Variants in TSHZ2 observed in about 807,000 individuals in gnomAD.
The protein encoded by TSHZ2 is teashirt zinc finger homeobox 2.
A neutral mutation model predicts 74.4 loss-of-function variants in TSHZ2; 21 were observed. That is an observed-to-expected ratio of 0.28 (90% CI 0.20 to 0.41). The LOEUF is 0.41. Among genes scored for constraint, TSHZ2 ranks in the 10% least tolerant of loss-of-function variants. The pLI, the probability that TSHZ2 is intolerant of heterozygous loss-of-function variation, is 1.00. For missense variants in TSHZ2, 1,244 were observed against 1,293.5 expected, an observed-to-expected ratio of 0.96 and a Z score of 0.59; for synonymous variants, 540 against 515.3, an observed-to-expected ratio of 1.05 and a Z score of -0.65.
intron 1 of TSHZ2, among the ~76,000 whole-genome samples, chr20:53,136,321 A>G (rs1490977916): frequency 1.3e-5 from 2 of 152,230 alleles, no homozygotes; most frequent in African/African-American, 4.8e-5. Context: ...GCAAGTAGAG[A>G]GCGTATATTG....
At chr20:53,233,156 C>T (rs1471061831) in intron 1 of TSHZ2, among the ~76,000 whole-genome samples, 2 of 152,186 alleles carry the variant, frequency 1.3e-5, no homozygotes, top group African/African-American at 4.8e-5. Flanking sequence ...CACCCTAATT[C>T]CCAAGATGTT....
intron 1 of TSHZ2, among the ~76,000 whole-genome samples, chr20:53,092,415 G>C (rs768154447): frequency 6.6e-6 from 1 of 152,096 alleles, no homozygotes; most frequent in Non-Finnish European, 1.5e-5. Context: ...CATATTACCC[G>C]TTGACTGTGT....
At chr20:53,348,552 C>CA (rs1568879775) in intron 2 of TSHZ2, among the ~76,000 whole-genome samples, 1 of 18,518 alleles carries the variant, frequency 5.4e-5, no homozygotes, top group African/African-American at 3.5e-4. Flanking sequence ...AAAAAATAGA[C>CA]CCCCCCAAAA....
intron 1 of TSHZ2, among the ~76,000 whole-genome samples, chr20:53,113,821 T>C (rs1430047508): frequency 6.6e-6 from 1 of 152,186 alleles, no homozygotes; most frequent in Non-Finnish European, 1.5e-5. Flanking sequence ...TATATAAGGC[T>C]GCTTTCCCCA....
rs10561638 is a variant in TSHZ2, at chr20:53,228,103, A to AACACAC, written c.41-25361_41-25356dup. Among the ~76,000 whole-genome samples, 505 of 134,538 alleles carry AACACAC rather than the reference A, an allele frequency of 3.8e-3. 3 individuals carry two copies. Among genetic ancestry groups the AACACAC allele is most frequent in the Admixed American group, 6.1e-3 (80 of 13,208 alleles). 88.3% of individuals were successfully genotyped at this position (134,538 alleles called of 152,430 possible). A position where few individuals can be genotyped will look rare whatever the true frequency, so the allele number is the denominator to read the frequency against. ...TACAGAGGTGGATGCTGGCCCCCAA[A>AACACAC]ACACACACACACACACACACACACA... On this transcript the variant is annotated intron_variant, in intron 1 of 2. Coordinates refer to ENST00000371497, the MANE Select transcript of TSHZ2 (RefSeq NM_173485.6).
chr20:53,209,253 A>T (rs1989245163), intron 1 of TSHZ2, among the ~76,000 whole-genome samples: 1 of 151,972 alleles, frequency 6.6e-6, no homozygotes, highest in African/African-American at 2.4e-5. Context: ...ATGCCTGGCT[A>T]ATTTTTGTAT....
chr20:52,982,878 G>T (rs554481366), intron 1 of TSHZ2, among the ~76,000 whole-genome samples: 7 of 152,166 alleles, frequency 4.6e-5, no homozygotes. Context: ...AGCAGTCCAG[G>T]CAGAGGAAGG....
chr20:53,136,081 C>A (rs886964526), intron 1 of TSHZ2, among the ~76,000 whole-genome samples: 1 of 152,186 alleles, frequency 6.6e-6, no homozygotes, highest in African/African-American at 2.4e-5. Context: ...GGCCTTCTTG[C>A]TGGTGGGGAC....
chr20:53,312,894 G>T (rs532809539), intron 2 of TSHZ2, among the ~76,000 whole-genome samples: 1 of 152,304 alleles, frequency 6.6e-6, no homozygotes, highest in Admixed American at 6.5e-5. Flanking sequence ...GAGGAGATAA[G>T]ATTTTTATTT....
chr20:53,049,633 G>T (rs1334383991), intron 1 of TSHZ2, among the ~76,000 whole-genome samples: 2 of 152,104 alleles, frequency 1.3e-5, no homozygotes, highest in African/African-American at 4.8e-5. Flanking sequence ...TTCAGCTTGG[G>T]ATTGTACACT....
intron 2 of TSHZ2, among the ~76,000 whole-genome samples, chr20:53,456,115 A>T (rs1985066239): frequency 6.6e-6 from 1 of 151,910 alleles, no homozygotes; most frequent in African/African-American, 2.4e-5. Flanking sequence ...TTCTAGTTCT[A>T]GATCCCTGAG....
At chr20:53,409,911 A>G (rs928741911) in intron 2 of TSHZ2, among the ~76,000 whole-genome samples, 1 of 122,206 alleles carries the variant, frequency 8.2e-6, no homozygotes, top group Admixed American at 1.2e-4. Flanking sequence ...CAGTGGCGCT[A>G]TCTCGGCTCA....
intron 2 of TSHZ2, among the ~76,000 whole-genome samples, chr20:53,387,191 C>T (rs568705856): frequency 9.2e-5 from 14 of 152,290 alleles, no homozygotes; most frequent in African/African-American, 1.9e-4. Flanking sequence ...CCGAGCTCCA[C>T]GGGATCTCAC....
chr20:53,107,971 T>G (rs1050084648), intron 1 of TSHZ2, among the ~76,000 whole-genome samples: 2 of 152,232 alleles, frequency 1.3e-5, no homozygotes, highest in Admixed American at 1.3e-4. Flanking sequence ...CAGGGTAAGA[T>G]TTGTTATTTG....
chr20:53,150,468 G>A (rs567332318), intron 1 of TSHZ2, among the ~76,000 whole-genome samples: 2 of 152,132 alleles, frequency 1.3e-5, no homozygotes, highest in Non-Finnish European at 2.9e-5. Context: ...GAAAAATTTT[G>A]TAAAAATCTG....
chr20:52,979,374 C>T (rs770160342), intron 1 of TSHZ2, among the ~76,000 whole-genome samples: 22 of 152,148 alleles, frequency 1.4e-4, no homozygotes, highest in Non-Finnish European at 3.2e-4. Flanking sequence ...GAGAAAGCAC[C>T]TCTGCAAACA....
intron 1 of TSHZ2, among the ~76,000 whole-genome samples, chr20:53,066,303 T>G (rs947463943): frequency 6.6e-6 from 1 of 151,988 alleles, no homozygotes; most frequent in Admixed American, 6.6e-5. Flanking sequence ...CAAGTGGAAG[T>G]CAGGACACAG....
At chr20:53,341,855 C>G (rs143852327) in intron 2 of TSHZ2, among the ~76,000 whole-genome samples, 1 of 152,060 alleles carries the variant, frequency 6.6e-6, no homozygotes, top group African/African-American at 2.4e-5. Context: ...GGATTACAGG[C>G]GTGTGCCACC....
intron 2 of TSHZ2, among the ~76,000 whole-genome samples, chr20:53,279,073 A>C (rs563801890): frequency 6.6e-6 from 1 of 152,252 alleles, no homozygotes; most frequent in Non-Finnish European, 1.5e-5. Flanking sequence ...TAAGAAAGAG[A>C]AAACATATTA....
Sources: gnomAD v4.1 joint callset for allele counts (sites outside exome capture counted in the v4.1 genomes callset) on GRCh38, gnomAD v4.1.1 for gene constraint, MANE v1.5 for transcripts, NCBI Gene and HGNC (gene_info 2026-07-23, HGNC 2026-07-21) for gene names.